Variants in SULF1 observed in about 807,000 individuals in gnomAD.
The protein encoded by SULF1 is extracellular sulfatase Sulf-1.
Under a neutral mutation model 110.5 loss-of-function variants are expected in SULF1, and 46 were observed. The ratio of observed to expected loss-of-function variants is 0.42; its 90% confidence interval spans 0.33 to 0.53. The LOEUF (loss-of-function observed/expected upper bound fraction) is 0.53. Ranked by LOEUF, SULF1 falls within the 20% of genes least tolerant of loss-of-function variation. SULF1 has a pLI of 0.12. For synonymous variants in SULF1, 371 were observed against 387.1 expected, an observed-to-expected ratio of 0.96 and a Z score of 0.49; for missense variants, 941 against 1,094.2, an observed-to-expected ratio of 0.86 and a Z score of 1.98.
At chr8:69,506,062 G>T (rs1007143845) in intron 3 of SULF1, among the ~76,000 whole-genome samples, 5 of 152,232 alleles carry the variant, frequency 3.3e-5, no homozygotes, top group Admixed American at 3.3e-4. Flanking sequence ...GAAACATGGA[G>T]AATGTACAAT....
chr8:69,505,576 G>T (rs985811425), intron 3 of SULF1, among the ~76,000 whole-genome samples: 1 of 152,042 alleles, frequency 6.6e-6, no homozygotes, highest in Non-Finnish European at 1.5e-5. Flanking sequence ...TAATCTAAAT[G>T]TAGGTGGTTT....
chr8:69,490,910 G>A (rs1563462626), upstream of SULF1, among the ~76,000 whole-genome samples: 1 of 152,170 alleles, frequency 6.6e-6, no homozygotes, highest in Non-Finnish European at 1.5e-5. Context: ...GTCCTCACCT[G>A]AGCATAACAA....
rs71517253 is a variant in SULF1 at position 69,655,134 on chromosome 8, A to G, written c.2586-3371A>G. Among the ~76,000 whole-genome samples the G allele has an allele frequency of 8.7e-3, 1,326 of 152,324 alleles. 28 individuals carry two copies. Among genetic ancestry groups the G allele is most frequent in the Non-Finnish European group, 9.1e-3 (618 of 68,024 alleles). On this transcript the variant is annotated intron_variant, in intron 22 of 22. Coordinates refer to ENST00000402687, the MANE Select transcript of SULF1 (RefSeq NM_001128205.2). Reference sequence around the variant, plus strand: ...GACCCTGATCTATCCCGTCGGGGCTACTGGCATTGGTTGCTCCCATGTAAT... The same window carrying G: ...GACCCTGATCTATCCCGTCGGGGCTGCTGGCATTGGTTGCTCCCATGTAAT...
chr8:69,564,336 T>A (rs1445491891), intron 5 of SULF1, among the ~76,000 whole-genome samples, 189 bp downstream of exon 5: 2 of 152,180 alleles, frequency 1.3e-5, no homozygotes, highest in East Asian at 3.9e-4. Flanking sequence ...TTTTCTGATG[T>A]TATGCTTTTG....
chr8:69,560,506 T>C (rs1480285904), intron 3 of SULF1, among the ~76,000 whole-genome samples: 1 of 152,232 alleles, frequency 6.6e-6, no homozygotes, highest in African/African-American at 2.4e-5. Context: ...AAGCAACTTA[T>C]ATCCTGGTCT....
intron 3 of SULF1, among the ~76,000 whole-genome samples, chr8:69,545,791 G>A (rs1264507382): frequency 6.6e-6 from 1 of 152,122 alleles, no homozygotes; most frequent in Non-Finnish European, 1.5e-5. Context: ...CCACCTTCCA[G>A]GTTCAAGCAA....
chr8:69,587,072 C>A (rs1460115675), intron 7 of SULF1, among the ~76,000 whole-genome samples: 1 of 152,170 alleles, frequency 6.6e-6, no homozygotes, highest in Admixed American at 6.5e-5. Context: ...ATTTTCAAAT[C>A]AGTTCAGAGA....
At chr8:69,607,958 A>G (rs942456852) in intron 13 of SULF1, among the ~76,000 whole-genome samples, 2 of 152,168 alleles carry the variant, frequency 1.3e-5, no homozygotes, top group African/African-American at 4.8e-5. Context: ...TTGACACTCC[A>G]TGGGGAACAA....
At chr8:69,614,432 TAA>T (rs1371416089) in intron 13 of SULF1, among the ~76,000 whole-genome samples, 2 of 152,238 alleles carry the variant, frequency 1.3e-5, no homozygotes, top group East Asian at 3.8e-4. Context: ...GAAAAATTCA[TAA>T]AGAGTGCTCT....
chr8:69,479,653 C>A (rs1022152409), intron 1 of SULF1, among the ~76,000 whole-genome samples: 3 of 152,034 alleles, frequency 2.0e-5, no homozygotes, highest in Non-Finnish European at 4.4e-5. Context: ...CTCCAACAAT[C>A]TAAGCTAAAT....
At chr8:69,573,788 C>T (rs941440615) in intron 5 of SULF1, among the ~76,000 whole-genome samples, 3 of 152,210 alleles carry the variant, frequency 2.0e-5, no homozygotes. Context: ...TGCAACATTT[C>T]TAAAATGGGG....
At chr8:69,559,752 G>A (rs1452240482) in intron 3 of SULF1, among the ~76,000 whole-genome samples, 1 of 152,040 alleles carries the variant, frequency 6.6e-6, no homozygotes, top group East Asian at 1.9e-4. Context: ...TACTCCCCCA[G>A]CCACCAAGGG....
intron 6 of SULF1, among the ~76,000 whole-genome samples, chr8:69,582,690 A>G (rs1175429846): frequency 5.2e-5 from 2 of 38,650 alleles, no homozygotes; most frequent in African/African-American, 1.2e-4. Context: ...CCTTCTTGGA[A>G]AAAAAAAAAA....
In SULF1 at chr8:69,627,310, A is replaced by G. The variant is rs761353414; in HGVS notation, c.1947+4A>G. 6.2e-7 allele frequency: 1 copy of G among 1,610,572 alleles called. No individual in the cohort carries two copies. Among genetic ancestry groups the G allele is most frequent in the African/African-American group, 1.3e-5 (1 of 74,974 alleles). On this transcript the variant is annotated splice_donor_region_variant and intron_variant, in intron 16 of 22. Coordinates refer to ENST00000402687, the MANE Select transcript of SULF1 (RefSeq NM_001128205.2). ...TAAGGCATACATTGACAAAGAGGTT[A>G]GCCATGGCTATGTGACTGTCAGATA...
chr8:69,515,038 G>A (rs962535264), intron 3 of SULF1, among the ~76,000 whole-genome samples: 1 of 152,140 alleles, frequency 6.6e-6, no homozygotes, highest in African/African-American at 2.4e-5. Context: ...ATGTGTTGGT[G>A]GATCTACCAT....
chr8:69,474,444 C>T (rs932893106), intron 1 of SULF1, among the ~76,000 whole-genome samples: 4 of 152,180 alleles, frequency 2.6e-5, no homozygotes, highest in Non-Finnish European at 2.9e-5. Context: ...TAGAATGTCC[C>T]TGTAAACAGA....
intron 3 of SULF1, among the ~76,000 whole-genome samples, chr8:69,525,665 C>A (rs1468547219): frequency 6.6e-6 from 1 of 152,200 alleles, no homozygotes; most frequent in Non-Finnish European, 1.5e-5. Context: ...ATTTCGTGGA[C>A]TTCATCTGAA....
In SULF1 at chr8:69,627,312, C is replaced by T. The variant is rs1458801022; in HGVS notation, c.1947+6C>T. The T allele has an allele frequency of 1.2e-6, 2 of 1,609,826 alleles. No homozygotes were observed. The highest frequency in any genetic ancestry group is 1.7e-6 in the Non-Finnish European group (2 of 1,176,224). On this transcript the variant is annotated splice_donor_region_variant and intron_variant, in intron 16 of 22. Transcript: ENST00000402687. ...AGGCATACATTGACAAAGAGGTTAGCCATGGCTATGTGACTGTCAGATATA... is the reference window on the plus strand; with the variant it reads ...AGGCATACATTGACAAAGAGGTTAGTCATGGCTATGTGACTGTCAGATATA...
At chr8:69,640,180 AG>A (rs5892213) in intron 21 of SULF1, among the ~76,000 whole-genome samples, 79,222 of 148,360 alleles carry the variant, frequency 0.53, 21,817 homozygotes, top group Middle Eastern at 0.61. Flanking sequence ...AGAAAGAAAG[AG>A]AAAAGAAAGA....
Sources: allele counts gnomAD v4.1 joint callset (sites outside exome capture counted in the v4.1 genomes callset), GRCh38; gene constraint gnomAD v4.1.1; transcripts MANE v1.5; gene names NCBI Gene and HGNC (gene_info 2026-07-23, HGNC 2026-07-21).